The following CC2D2A variants were observed in gnomAD, a reference collection of about 807,000 sequenced individuals.
CC2D2A encodes coiled-coil and C2 domain containing 2A, also known as coiled-coil and C2 domain-containing protein 2A.
A neutral mutation model predicts 212.9 loss-of-function variants in CC2D2A; 155 were observed. The ratio of observed to expected loss-of-function variants is 0.73; its 90% CI spans 0.64 to 0.83. The LOEUF (loss-of-function observed/expected upper bound fraction) is 0.83. Ranked by LOEUF, CC2D2A falls within the 40% of genes least tolerant of loss-of-function variation. CC2D2A has a pLI of 0.00. For synonymous variants in CC2D2A, 667 were observed against 686.5 expected (o/e 0.97, Z 0.44); for missense variants, 1,856 against 1,956.2 (o/e 0.95, Z 0.97).
chr4:15,492,860 G>A, intron 4 of CC2D2A: 1 of 584,664 alleles, frequency 1.7e-6, no homozygotes, highest in Non-Finnish European at 3.3e-6. Context: ...GTGGAAGAGT[G>A]GGTGTCACTG....
intron 6 of CC2D2A, among the ~76,000 whole-genome samples, chr4:15,503,557 C>G (rs914107790): frequency 1.3e-5 from 2 of 152,172 alleles, no homozygotes; most frequent in Admixed American, 6.5e-5. Flanking sequence ...ATTGGGTCAG[C>G]ATTGCTGGAT....
chr4:15,565,850 G>A (rs929196875), intron 24 of CC2D2A, among the ~76,000 whole-genome samples: 9 of 152,054 alleles, frequency 5.9e-5, no homozygotes, highest in Non-Finnish European at 7.4e-5. Context: ...GGGCTCAAGC[G>A]ATTCTCCCAC....
At chr4:15,551,123 T>C (rs1030898653) in intron 18 of CC2D2A, 143 bp downstream of exon 18, 2 of 688,186 alleles carry the variant, frequency 2.9e-6, no homozygotes, top group Non-Finnish European at 4.3e-6. Context: ...CTATGCAACT[T>C]TTTGCCAAGT....
chr4:15,507,845 T>C (rs908357411), intron 6 of CC2D2A, among the ~76,000 whole-genome samples: 3 of 152,232 alleles, frequency 2.0e-5, no homozygotes, highest in Non-Finnish European at 2.9e-5. Flanking sequence ...AGTGTGTTGA[T>C]GGACTTCAGT....
intron 12 of CC2D2A, among the ~76,000 whole-genome samples, chr4:15,528,037 T>C (rs1311442115): frequency 6.6e-6 from 1 of 152,204 alleles, no homozygotes; most frequent in Non-Finnish European, 1.5e-5. Context: ...TACCCCATCG[T>C]GTAGCACTTA....
chr4:15,596,076 C>T lies in CC2D2A; in HGVS notation c.4315-9C>T, dbSNP rs1285789588. The T allele has an allele frequency of 6.5e-7, 1 of 1,541,176 alleles. No individual in the cohort carries two copies. Among genetic ancestry groups the T allele is most frequent in the African/African-American group, 1.4e-5 (1 of 72,632 alleles). On this transcript the variant is annotated splice_polypyrimidine_tract_variant and intron_variant, in intron 33 of 36. Coordinates refer to ENST00000424120, the MANE Select transcript of CC2D2A (RefSeq NM_001378615.1). ...AACATATATGCTAATGTAGTCTTGT[C>T]TTTCTTAGATTTGGTTTAATATTCA... is the stretch of plus-strand genomic sequence containing the variant.
At chr4:15,577,445 T>A (rs1197225405) in intron 29 of CC2D2A, among the ~76,000 whole-genome samples, 1 of 152,224 alleles carries the variant, frequency 6.6e-6, no homozygotes, top group East Asian at 1.9e-4. Flanking sequence ...TGTTTCATCA[T>A]AAGTGACCCA....
intron 24 of CC2D2A, among the ~76,000 whole-genome samples, chr4:15,564,578 C>A (rs534903074): frequency 6.6e-4 from 101 of 152,180 alleles, no homozygotes; most frequent in Non-Finnish European, 1.1e-3. Flanking sequence ...CTAACTGTTT[C>A]CTTGGAAGAG....
chr4:15,528,854 A>C (rs1717662831), intron 13 of CC2D2A, 128 bp downstream of exon 13: 1 of 620,758 alleles, frequency 1.6e-6, no homozygotes, highest in African/African-American at 1.9e-5. Context: ...TAAAACAATC[A>C]AATACATCTA....
intron 13 of CC2D2A, among the ~76,000 whole-genome samples, chr4:15,529,673 G>T (rs551524307): frequency 6.6e-6 from 1 of 151,804 alleles, no homozygotes; most frequent in East Asian, 1.9e-4. Flanking sequence ...CAACTGATAC[G>T]CATTTGCATT....
At chr4:15,591,283 G>C (rs930084850) in intron 33 of CC2D2A, among the ~76,000 whole-genome samples, 1 of 145,950 alleles carries the variant, frequency 6.9e-6, no homozygotes, top group African/African-American at 2.6e-5. Flanking sequence ...GCAACGGAGC[G>C]ATCTCGGCTC....
intron 18 of CC2D2A, among the ~76,000 whole-genome samples, chr4:15,552,646 A>G (rs1475529738): frequency 1.3e-5 from 2 of 152,166 alleles, no homozygotes; most frequent in Non-Finnish European, 2.9e-5. Flanking sequence ...CCCTGACTCA[A>G]ATATACACCC....
chr4:15,581,219 A>G (rs906623711), intron 30 of CC2D2A, among the ~76,000 whole-genome samples: 3 of 152,190 alleles, frequency 2.0e-5, no homozygotes, highest in Non-Finnish European at 1.5e-5. Context: ...TCTACATTTC[A>G]TTTGCTTTTT....
chr4:15,524,971 G>A (rs548022304), intron 11 of CC2D2A, among the ~76,000 whole-genome samples: 8 of 152,274 alleles, frequency 5.3e-5, no homozygotes, highest in South Asian at 2.1e-4. Flanking sequence ...GAAAACAGAC[G>A]CAACAAAAAG....
intron 17 of CC2D2A, among the ~76,000 whole-genome samples, chr4:15,546,153 T>C (rs374204270): frequency 1.8e-3 from 280 of 152,130 alleles, no homozygotes; most frequent in Non-Finnish European, 2.9e-3. Context: ...TTGGACTTCA[T>C]GGGACAGGGG....
chr4:15,483,879 T>G (rs1714840840), intron 4 of CC2D2A, among the ~76,000 whole-genome samples: 1 of 152,182 alleles, frequency 6.6e-6, no homozygotes, highest in African/African-American at 2.4e-5. Context: ...TGAAACACAA[T>G]TGAGCTGTTG....
intron 11 of CC2D2A, among the ~76,000 whole-genome samples, chr4:15,526,413 G>A (rs1237965828): frequency 6.6e-6 from 1 of 152,140 alleles, no homozygotes; most frequent in Non-Finnish European, 1.5e-5. Context: ...AAGTCTCCTA[G>A]CCCAGATCTA....
At chr4:15,498,185 C>G (rs1715724390) in intron 4 of CC2D2A, among the ~76,000 whole-genome samples, 1 of 152,054 alleles carries the variant, frequency 6.6e-6, no homozygotes, top group Admixed American at 6.6e-5. Flanking sequence ...AATGGGTTTG[C>G]TAGGGAGCAA....
intron 29 of CC2D2A, among the ~76,000 whole-genome samples, chr4:15,577,480 C>T (rs888331525): frequency 6.6e-6 from 1 of 152,142 alleles, no homozygotes; most frequent in Non-Finnish European, 1.5e-5. Flanking sequence ...TTAACTTCTC[C>T]TTGGCACTTC....
Sources: gnomAD v4.1 joint callset for allele counts (sites outside exome capture counted in the v4.1 genomes callset) on GRCh38, gnomAD v4.1.1 for gene constraint, MANE v1.5 for transcripts, NCBI Gene and HGNC (gene_info 2026-07-23, HGNC 2026-07-21) for gene names.